The following KCNMA1 variants were observed in gnomAD, a reference collection of about 807,000 sequenced individuals.
The protein encoded by KCNMA1 is Calcium-activated potassium channel subunit alpha-1.
In KCNMA1, 29 loss-of-function variants were observed where a neutral mutation model predicts 140.0. The observed-to-expected ratio is 0.21, with a 90% CI of 0.15 to 0.28. The LOEUF (loss-of-function observed/expected upper bound fraction) is 0.28. Among genes scored for constraint, KCNMA1 ranks in the 10% least tolerant of loss-of-function variants. The pLI is 1.00. For synonymous variants in KCNMA1, 612 were observed against 611.9 expected (o/e 1.00, Z 0.00); for missense variants, 880 against 1,602.2 (o/e 0.55, Z 7.70).
Position 77,228,972 on chromosome 10 carries a change from A to C in KCNMA1, c.602+22223T>G, listed in dbSNP as rs149923367. 9.2e-5 allele frequency among the ~76,000 whole-genome samples: 14 copies of C among 152,386 alleles called. No individual in the cohort carries two copies. The East Asian group carries it at 2.7e-3, about 29-fold the overall frequency. On this transcript the variant is annotated intron_variant, in intron 3 of 27. Coordinates refer to ENST00000286628, the MANE Select transcript of KCNMA1 (RefSeq NM_001161352.2). ...GGAACTTGTTAGTGTTATTTGAAAG[A>C]TGTGGCTGAAGTTTTACATAGGGAA...
chr10:77,495,411 G>C (rs927388199), intron 1 of KCNMA1, among the ~76,000 whole-genome samples: 3 of 152,236 alleles, frequency 2.0e-5, no homozygotes, highest in African/African-American at 4.8e-5. Flanking sequence ...GGTCCACCTC[G>C]GTCACGACAC....
At chr10:77,221,973 C>A (rs2049842149) in intron 3 of KCNMA1, among the ~76,000 whole-genome samples, 1 of 151,704 alleles carries the variant, frequency 6.6e-6, no homozygotes, top group Non-Finnish European at 1.5e-5. Flanking sequence ...GTCAAATTCT[C>A]TGAGCCTATT....
At chr10:77,009,477 G>A (rs1478682718) in intron 18 of KCNMA1, among the ~76,000 whole-genome samples, 4 of 152,150 alleles carry the variant, frequency 2.6e-5, no homozygotes, top group African/African-American at 9.7e-5. Context: ...AAGAGTCAGA[G>A]AAGTTCTCAC....
chr10:77,255,564 C>T (rs745901106), intron 2 of KCNMA1, among the ~76,000 whole-genome samples: 7 of 151,894 alleles, frequency 4.6e-5, no homozygotes, highest in African/African-American at 9.7e-5. Flanking sequence ...TATGCCACTA[C>T]ACTCCAGCCT....
At chr10:77,136,693 A>G (rs941541308) in intron 5 of KCNMA1, among the ~76,000 whole-genome samples, 1 of 152,208 alleles carries the variant, frequency 6.6e-6, no homozygotes, top group Non-Finnish European at 1.5e-5. Flanking sequence ...AGAAAAGCAT[A>G]AAATGATGAC....
At chr10:77,447,124 C>G (rs542003661) in intron 1 of KCNMA1, among the ~76,000 whole-genome samples, 34 of 152,324 alleles carry the variant, frequency 2.2e-4, no homozygotes, top group African/African-American at 8.2e-4. Flanking sequence ...ACAGCTTCAG[C>G]CAAGGTCACC....
chr10:76,900,910 AC>A (rs1300254167), intron 25 of KCNMA1, among the ~76,000 whole-genome samples: 121 of 141,756 alleles, frequency 8.5e-4, no homozygotes, highest in African/African-American at 2.9e-3. Context: ...AAAAAAAAAA[AC>A]CCAGTACATT....
At chr10:76,925,386 G>A (rs2057366074) in intron 23 of KCNMA1, among the ~76,000 whole-genome samples, 1 of 152,080 alleles carries the variant, frequency 6.6e-6, no homozygotes, top group African/African-American at 2.4e-5. Flanking sequence ...TTTCATGATG[G>A]ATCACATTTC....
At chr10:77,600,428 T>A (rs2082250429) in intron 1 of KCNMA1, among the ~76,000 whole-genome samples, 1 of 152,130 alleles carries the variant, frequency 6.6e-6, no homozygotes. Context: ...CCTGTGGCTA[T>A]CAGGACACAG....
At chr10:77,556,748 C>T (rs1414603202) in intron 1 of KCNMA1, among the ~76,000 whole-genome samples, 2 of 152,140 alleles carry the variant, frequency 1.3e-5, no homozygotes, top group African/African-American at 2.4e-5. Flanking sequence ...TGATGCCCAA[C>T]TCCAGGGAAC....
At position 77,251,239 on chromosome 10, in the gene KCNMA1, A is replaced by G. The variant is rs1600047695; in HGVS notation, c.558T>C (p.Ala186=). 1 of 1,612,360 alleles carries G rather than the reference A, an allele frequency of 6.2e-7. No homozygotes were observed. The change falls in exon 3 of 28, where the codon GCT becomes GCC. Residue 186 remains alanine, a synonymous_variant. Coordinates refer to ENST00000286628, the MANE Select transcript of KCNMA1 (RefSeq NM_001161352.2). The stretch of plus-strand genomic sequence containing the variant: ...ATATTACAAGTGCACCGATGCTGAG[A>G]GCAAAGACTAAGACAACCTGTAAAA... ...TGRVLVVLVF[A]LSIGALVIYF...
chr10:77,363,663 G>T (rs2094147153), intron 2 of KCNMA1, among the ~76,000 whole-genome samples: 1 of 152,132 alleles, frequency 6.6e-6, no homozygotes, highest in African/African-American at 2.4e-5. Flanking sequence ...CCAGTCACTG[G>T]CTTGGCCATC....
At chr10:77,007,674 T>TATATATATATATATATATATAG in intron 18 of KCNMA1, among the ~76,000 whole-genome samples, 1 of 143,050 alleles carries the variant, frequency 7.0e-6, no homozygotes, top group Non-Finnish European at 1.5e-5. Context: ...TATATATATA[T>TATATATATATATATATATATAG]ATGTATCACA....
chr10:77,423,819 G>A (rs921824145), intron 1 of KCNMA1, among the ~76,000 whole-genome samples: 1 of 152,106 alleles, frequency 6.6e-6, no homozygotes, highest in African/African-American at 2.4e-5. Context: ...AATGAGAGAG[G>A]GGTCTGATTC....
chr10:77,252,525 TTGTGTG>T (rs139774027), intron 2 of KCNMA1, among the ~76,000 whole-genome samples: 57 of 145,824 alleles, frequency 3.9e-4, no homozygotes, highest in East Asian at 6.3e-4. Flanking sequence ...TGATCAAGCT[TTGTGTG>T]TGTGTGTGTG....
rs1482845136 is a variant in KCNMA1, at chr10:77,110,463, C to T, written c.961-120G>A. 60 of 853,812 alleles carry T rather than the reference C, an allele frequency of 7.0e-5. 1 individual carries two copies. Among genetic ancestry groups the T allele is most frequent in the South Asian group, 6.0e-4 (45 of 74,690 alleles). The allele number at this position is 853,812 out of a possible 1,614,324, so 52.9% of individuals were successfully genotyped here. On this transcript the variant is annotated intron_variant, in intron 7 of 27. Coordinates refer to ENST00000286628, the MANE Select transcript of KCNMA1 (RefSeq NM_001161352.2). ...TTGCTACTGCACACCACTCTCCACA[C>T]GAGATGTGTGGTTCCCGGGCTGAGT...
intron 1 of KCNMA1, among the ~76,000 whole-genome samples, chr10:77,580,287 A>G (rs2075479723): frequency 1.3e-5 from 2 of 151,772 alleles, no homozygotes; most frequent in Non-Finnish European, 2.9e-5. Flanking sequence ...AGGCTGAGGC[A>G]GAAGAATGGT....
chr10:77,507,814 G>A (rs2046695789), intron 1 of KCNMA1, among the ~76,000 whole-genome samples: 1 of 152,216 alleles, frequency 6.6e-6, no homozygotes, highest in East Asian at 1.9e-4. Context: ...GCAATGTATA[G>A]AGAATCTTAA....
At chr10:77,344,585 AT>A (rs61265392) in intron 2 of KCNMA1, among the ~76,000 whole-genome samples, 454 of 144,690 alleles carry the variant, frequency 3.1e-3, no homozygotes, top group Admixed American at 5.4e-3. Context: ...TGCTTTCTCT[AT>A]TTTTTTTTTT....
Sources: gnomAD v4.1 joint callset for allele counts (sites outside exome capture counted in the v4.1 genomes callset) on GRCh38, gnomAD v4.1.1 for gene constraint, MANE v1.5 for transcripts, NCBI Gene and HGNC (gene_info 2026-07-23, HGNC 2026-07-21) for gene names.